Variants in POGZ observed in about 807,000 individuals in gnomAD.
POGZ encodes pogo transposable element with ZNF domain.
A neutral mutation model predicts 134.6 loss-of-function variants in POGZ; 17 were observed. The observed-to-expected ratio is 0.13, with a 90% CI of 0.09 to 0.19. The LOEUF is 0.19. Among genes scored for constraint, POGZ ranks in the 10% least tolerant of loss-of-function variants. The pLI is 1.00. For synonymous variants in POGZ, 693 were observed against 657.1 expected (o/e 1.05, Z -0.84); for missense variants, 1,306 against 1,769.7 (o/e 0.74, Z 4.70).
intron 10 of POGZ, among the ~76,000 whole-genome samples, chr1:151,422,424 C>A (rs12069125): frequency 6.6e-6 from 1 of 152,026 alleles, no homozygotes; most frequent in African/African-American, 2.4e-5. Context: ...ACTATGTATC[C>A]CCAGTAGAGG....
At chr1:151,436,389 G>C (rs1659591346) in intron 3 of POGZ, among the ~76,000 whole-genome samples, 1 of 152,132 alleles carries the variant, frequency 6.6e-6, no homozygotes, top group African/African-American at 2.4e-5. Context: ...GCCTATTCAA[G>C]ACATTTCATA....
chr1:151,443,581 G>A (rs947859416), intron 1 of POGZ, among the ~76,000 whole-genome samples: 1 of 152,174 alleles, frequency 6.6e-6, no homozygotes, highest in African/African-American at 2.4e-5. Context: ...GGGCGTGGTG[G>A]TGCATGCCTG....
intron 1 of POGZ, chr1:151,450,817 A>G (rs1363980190): frequency 6.6e-6 from 1 of 152,182 alleles, no homozygotes; most frequent in Non-Finnish European, 1.5e-5. Flanking sequence ...GTTCTTCCTC[A>G]AAAATCTTAT....
At position 151,422,651 on chromosome 1, in the gene POGZ, G is replaced by T. The variant is rs1280599018; in HGVS notation, c.1678+746C>A. On this transcript the variant is annotated intron_variant, in intron 10 of 18. Coordinates refer to ENST00000271715, the MANE Select transcript of POGZ (RefSeq NM_015100.4). Reference sequence around the variant, plus strand: ...TTGTTGCCCAGACTGGAGTGCAATGGCATGATCTCAGCTCACTGCAACCTC... The same window carrying T: ...TTGTTGCCCAGACTGGAGTGCAATGTCATGATCTCAGCTCACTGCAACCTC... Among the ~76,000 whole-genome samples, 4 of 152,074 alleles carry T rather than the reference G, an allele frequency of 2.6e-5. No individual in the cohort carries two copies. The East Asian group carries it at 7.7e-4, about 29-fold the overall frequency.
intron 2 of POGZ, 128 bp from the exon 3 acceptor site, chr1:151,441,214 C>T: frequency 1.6e-6 from 1 of 640,688 alleles, no homozygotes; most frequent in South Asian, 2.4e-5. Context: ...TTCATAAATC[C>T]AACTGTTCAT....
chr1:151,459,390 A>C lies in POGZ; in HGVS notation c.-240T>G. The stretch of plus-strand genomic sequence containing the variant: ...GAGGGGGGCGGGGGGGCCCCGAGGG[A>C]GGGGGGTGGGGGGGCCAAGGAATGC... On this transcript the variant is annotated 5_prime_UTR_variant, in exon 1 of 19. Transcript: ENST00000271715. 6.3e-5 allele frequency: 1 copy of C among 15,962 alleles called. No individual in the cohort carries two copies. Among genetic ancestry groups the C allele is most frequent in the Non-Finnish European group, 1.3e-4 (1 of 7,818 alleles). 1.0% of individuals were successfully genotyped at this position (15,962 alleles called of 1,614,324 possible).
intron 1 of POGZ, among the ~76,000 whole-genome samples, chr1:151,450,510 G>A (rs969122199): frequency 1.3e-5 from 2 of 152,116 alleles, no homozygotes; most frequent in African/African-American, 4.8e-5. Context: ...GTGCTACCAC[G>A]CCTGGTTAAT....
chr1:151,403,110 G>T lies in POGZ; in HGVS notation c.*1692C>A. The T allele has an allele frequency of 1.8e-6, 1 of 547,046 alleles. No individual in the cohort carries two copies. The highest frequency in any genetic ancestry group is 2.3e-6 in the Non-Finnish European group (1 of 429,244). 33.9% of individuals were successfully genotyped at this position (547,046 alleles called of 1,614,324 possible). A position where few individuals can be genotyped will look rare whatever the true frequency, so the allele number is the denominator to read the frequency against. On this transcript the variant is annotated 3_prime_UTR_variant, in exon 19 of 19. Transcript: ENST00000271715. ...GAAGAGAAGCCCAGATGGATCCTTG[G>T]TTGTTTTCAGATGTCAAAGGTTCAC...
chr1:151,434,188 T>C (rs1659199134), intron 3 of POGZ, among the ~76,000 whole-genome samples: 3 of 152,200 alleles, frequency 2.0e-5, no homozygotes. Flanking sequence ...CATATACCTG[T>C]AATCCCAGCT....
Position 151,423,826 on chromosome 1 carries a change from T to C in POGZ, c.1523+123A>G, listed in dbSNP as rs562417712. ...TCTATAGTCCTAGTTATTGATTTAA[T>C]GATAACCCCAGCAAGACTGCATAGT... On this transcript the variant is annotated intron_variant, in intron 9 of 18. Transcript: ENST00000271715. 35 of 752,542 alleles carry C rather than the reference T, an allele frequency of 4.7e-5. No homozygotes were observed. The African/African-American group carries it at 5.8e-4, about 13-fold the overall frequency. 46.6% of individuals were successfully genotyped at this position (752,542 alleles called of 1,614,324 possible). A position where few individuals can be genotyped will look rare whatever the true frequency, so the allele number is the denominator to read the frequency against.
At chr1:151,421,137 CT>C (rs1656837332) in intron 10 of POGZ, among the ~76,000 whole-genome samples, 2 of 151,902 alleles carry the variant, frequency 1.3e-5, no homozygotes, top group Admixed American at 6.6e-5. Flanking sequence ...TCTCAATAAT[CT>C]TATTGTACTG....
At chr1:151,436,288 A>G (rs1659577615) in intron 3 of POGZ, among the ~76,000 whole-genome samples, 1 of 152,040 alleles carries the variant, frequency 6.6e-6, no homozygotes, top group African/African-American at 2.4e-5. Context: ...CGCCCTCAAA[A>G]GAAACCTCAT....
At chr1:151,457,575 C>G (rs4971047) in intron 1 of POGZ, among the ~76,000 whole-genome samples, 122,937 of 151,508 alleles carry the variant, frequency 0.81, 49,891 homozygotes, top group Non-Finnish European at 0.83. Flanking sequence ...CGTTTGCCAA[C>G]GAGCAGCCCT....
At chr1:151,423,360 G>C (rs751787955) in intron 10 of POGZ, 37 bp downstream of exon 10, 2 of 1,577,692 alleles carry the variant, frequency 1.3e-6, no homozygotes, top group Admixed American at 3.3e-5. Context: ...GAACAGCAAG[G>C]TATATTCCCC....
At position 151,405,406 on chromosome 1, in the gene POGZ, G is replaced by A; in HGVS notation, c.3629C>T (p.Thr1210Ile). ...AGCTGTGTGCTTCTGCCACACTCGA[G>A]TTGACCACAGCTCCATGATCTCGTC... ...SDDEIMELWSTRVWQKHTACQ... is the reference protein window; with the variant it reads ...SDDEIMELWSIRVWQKHTACQ... The change falls in exon 19 of 19, where the codon ACT becomes ATT. Residue 1210 changes from threonine (T) to isoleucine (I), a missense_variant. Transcript: ENST00000271715. The surrounding 1 kb of genome is among the most constrained non-coding windows in gnomAD (Gnocchi z 4.9). 1.2e-6 allele frequency: 2 copies of A among 1,614,096 alleles called. No individual in the cohort carries two copies. The highest frequency in any genetic ancestry group is 1.1e-5 in the South Asian group (1 of 91,078).
chr1:151,445,462 C>T (rs918626730), intron 1 of POGZ, among the ~76,000 whole-genome samples: 1 of 140,580 alleles, frequency 7.1e-6, no homozygotes, highest in African/African-American at 2.7e-5. Flanking sequence ...GCAGAGGTTG[C>T]AGTGAGCCAA....
chr1:151,410,596 T>TG (rs1350916674), intron 12 of POGZ, among the ~76,000 whole-genome samples: 3 of 152,168 alleles, frequency 2.0e-5, no homozygotes, highest in African/African-American at 7.2e-5. Flanking sequence ...TCAACAGGGT[T>TG]GGGGGGCCCA....
In POGZ at chr1:151,403,701, T is replaced by A. The variant is rs931302187; in HGVS notation, c.*1101A>T. 1 of 985,828 alleles carries A rather than the reference T, an allele frequency of 1.0e-6. No individual in the cohort carries two copies. Among genetic ancestry groups the A allele is most frequent in the East Asian group, 1.1e-4 (1 of 8,816 alleles). 61.1% of individuals were successfully genotyped at this position (985,828 alleles called of 1,614,324 possible). On this transcript the variant is annotated 3_prime_UTR_variant, in exon 19 of 19. Transcript: ENST00000271715. The stretch of plus-strand genomic sequence containing the variant: ...ATTCTTCCCTAAGTATTAAGAGAAA[T>A]AGGGGAAAGCCACAGAGCACGCTGG...
At chr1:151,409,172 A>C (rs911776883) in intron 12 of POGZ, among the ~76,000 whole-genome samples, 8 of 152,092 alleles carry the variant, frequency 5.3e-5, no homozygotes, top group Non-Finnish European at 1.0e-4. Flanking sequence ...GACATTCTTC[A>C]TTCTTCTTTT....
Sources: gnomAD v4.1 joint callset for allele counts (sites outside exome capture counted in the v4.1 genomes callset) on GRCh38, gnomAD v4.1.1 for gene constraint, Gnocchi (gnomAD v3.1) non-coding constraint, MANE v1.5 for transcripts, NCBI Gene and HGNC (gene_info 2026-07-23, HGNC 2026-07-21) for gene names.